Variants in CA5A observed in about 807,000 individuals in gnomAD.
The protein encoded by CA5A is carbonic anhydrase 5A, mitochondrial.
Under a neutral mutation model 37.1 loss-of-function variants are expected in CA5A, and 28 were observed. The ratio of observed to expected loss-of-function variants is 0.75; its 90% CI spans 0.56 to 1.03. The LOEUF (loss-of-function observed/expected upper bound fraction) is 1.03, where lower values mean the gene tolerates loss of function less well. Ranked by LOEUF, CA5A falls within the 50% of genes least tolerant of loss-of-function variation. The pLI is 0.00. For missense variants in CA5A, 444 were observed against 399.9 expected (o/e 1.11, Z -0.94); for synonymous variants, 171 against 158.4 (o/e 1.08, Z -0.60).
chr16:87,885,984 T>C (rs1191314656), downstream of CA5A: 1 of 152,014 alleles, frequency 6.6e-6, no homozygotes, highest in Non-Finnish European at 1.5e-5. Flanking sequence ...GCCTGCCACG[T>C]AATTGGCACT....
At chr16:87,922,759 G>C (rs1296498855) in intron 2 of CA5A, among the ~76,000 whole-genome samples, 1 of 152,240 alleles carries the variant, frequency 6.6e-6, no homozygotes, top group African/African-American at 2.4e-5. Context: ...TCTCTGCATG[G>C]AGGTCAGCTC....
intron 4 of CA5A, 46 bp from the exon 5 acceptor site, chr16:87,902,020 G>C (rs777085917): frequency 9.5e-5 from 147 of 1,544,172 alleles, no homozygotes; most frequent in African/African-American, 2.2e-4. Context: ...GCAGTGGATG[G>C]GGGGGGAAGC....
chr16:87,897,588 TCCC>T (rs1168144004), intron 5 of CA5A, among the ~76,000 whole-genome samples: 1 of 152,188 alleles, frequency 6.6e-6, no homozygotes, highest in Non-Finnish European at 1.5e-5. Context: ...TGCCTGTGTT[TCCC>T]TCTAAGCTGC....
intron 2 of CA5A, 27 bp from the exon 3 acceptor site, chr16:87,904,931 G>C (rs761343351): frequency 7.0e-7 from 1 of 1,435,346 alleles, no homozygotes; most frequent in Admixed American, 1.7e-5. Flanking sequence ...TGAGACGTGT[G>C]TGTCATTTTG....
At chr16:87,898,214 C>T (rs2055830149) in intron 5 of CA5A, among the ~76,000 whole-genome samples, 2 of 152,182 alleles carry the variant, frequency 1.3e-5, no homozygotes, top group African/African-American at 2.4e-5. Flanking sequence ...CTTTCCTGCC[C>T]TAATTCAGGA....
chr16:87,916,767 C>A (rs1364048140), intron 2 of CA5A, among the ~76,000 whole-genome samples: 2 of 152,082 alleles, frequency 1.3e-5, no homozygotes, highest in Non-Finnish European at 2.9e-5. Flanking sequence ...ACACAGGGGT[C>A]GCGGTGCACC....
At chr16:87,900,260 T>C (rs1334202902) in intron 5 of CA5A, among the ~76,000 whole-genome samples, 1 of 152,188 alleles carries the variant, frequency 6.6e-6, no homozygotes, top group Non-Finnish European at 1.5e-5. Flanking sequence ...CCTCTGGCTG[T>C]GGAGCCGCGT....
chr16:87,919,161 C>G (rs1392627447), intron 2 of CA5A, among the ~76,000 whole-genome samples: 2 of 152,148 alleles, frequency 1.3e-5, no homozygotes, highest in Non-Finnish European at 2.9e-5. Context: ...CAGAGGCTGA[C>G]GCTGGGAGAC....
At chr16:87,890,174 G>A (rs900413953) in intron 6 of CA5A, among the ~76,000 whole-genome samples, 1 of 152,116 alleles carries the variant, frequency 6.6e-6, no homozygotes, top group African/African-American at 2.4e-5. Context: ...TAATACTATT[G>A]GCTTCGTTTC....
At chr16:87,931,733 G>A (rs997992502) in intron 1 of CA5A, among the ~76,000 whole-genome samples, 1 of 152,192 alleles carries the variant, frequency 6.6e-6, no homozygotes, top group Admixed American at 6.5e-5. Flanking sequence ...CTCGCTAAGT[G>A]CCGGAAAGCA....
intron 2 of CA5A, among the ~76,000 whole-genome samples, chr16:87,915,668 G>A (rs1261580012): frequency 1.3e-4 from 16 of 118,520 alleles, no homozygotes; most frequent in African/African-American, 3.2e-5. Context: ...CAGCCTGGGC[G>A]ACAGAGCAAG....
intron 2 of CA5A, among the ~76,000 whole-genome samples, chr16:87,917,700 C>T (rs1292949463): frequency 8.0e-6 from 1 of 124,854 alleles, no homozygotes; most frequent in Non-Finnish European, 1.8e-5. Flanking sequence ...CACACCCGCA[C>T]ACGAACACAC....
At chr16:87,926,059 C>T (rs2056303798) in intron 2 of CA5A, among the ~76,000 whole-genome samples, 1 of 152,072 alleles carries the variant, frequency 6.6e-6, no homozygotes, top group Admixed American at 6.5e-5. Context: ...CCCATTTCTG[C>T]TAAAAATACA....
At chr16:87,887,891 A>C, downstream of CA5A, 1 of 480,236 alleles carries the variant, frequency 2.1e-6, no homozygotes, top group Non-Finnish European at 3.6e-6. Flanking sequence ...TTACAGTGAA[A>C]CTAAGCACCC....
intron 2 of CA5A, among the ~76,000 whole-genome samples, chr16:87,905,861 T>A (rs1263691961): frequency 1.3e-5 from 2 of 152,214 alleles, no homozygotes; most frequent in African/African-American, 4.8e-5. Flanking sequence ...CAGTGCCAGG[T>A]GCAGCCTCCC....
In CA5A at chr16:87,902,496, C is replaced by G; in HGVS notation, c.484G>C (p.Val162Leu). The G allele has an allele frequency of 6.2e-7, 1 of 1,602,436 alleles. No homozygotes were observed. Among genetic ancestry groups the G allele is most frequent in the Non-Finnish European group, 8.6e-7 (1 of 1,169,434 alleles). The change falls in exon 4 of 7, where the codon GTG becomes CTG. Residue 162 changes from valine to leucine, a missense_variant. Transcript: ENST00000649794. ...GCTTCCTTGTAATTTTGGTATTTCA[C>G]AGAATTCCAGTGAACTAAATGCAGC... ...AELHLVHWNS[V>L]KYQNYKEAVV...
intron 5 of CA5A, chr16:87,893,433 G>C: frequency 1.9e-6 from 1 of 522,790 alleles, no homozygotes; most frequent in Non-Finnish European, 3.8e-6. Flanking sequence ...GGCTTGCCTG[G>C]AGACATTTCT....
chr16:87,911,011 A>G lies in CA5A; in HGVS notation c.341-6107T>C, dbSNP rs2056042283. On this transcript the variant is annotated intron_variant, in intron 2 of 6. Coordinates refer to ENST00000649794, the MANE Select transcript of CA5A (RefSeq NM_001739.2). The surrounding 1 kb of genome is among the most constrained non-coding windows in gnomAD (Gnocchi z 4.6). ...GGGATCTGCCGCCTCAGCCTCCCCA[A>G]GTGCTGGGATTACAAGCATGAGCCA... is the stretch of plus-strand genomic sequence containing the variant. Among the ~76,000 whole-genome samples, 1 of 151,444 alleles carries G rather than the reference A, an allele frequency of 6.6e-6. No homozygotes were observed.
At chr16:87,925,542 G>A (rs1161685876) in intron 2 of CA5A, 1 of 152,334 alleles carries the variant, frequency 6.6e-6, no homozygotes, top group Non-Finnish European at 1.5e-5. Flanking sequence ...CAGCAGGAGG[G>A]AGAGCAGGCG....
Sources: gnomAD v4.1 joint callset for allele counts (sites outside exome capture counted in the v4.1 genomes callset) on GRCh38, gnomAD v4.1.1 for gene constraint, Gnocchi (gnomAD v3.1) non-coding constraint, MANE v1.5 for transcripts, NCBI Gene and HGNC (gene_info 2026-07-23, HGNC 2026-07-21) for gene names.